ZNF106: variants seen among roughly 807,000 people sequenced by gnomAD.
The protein encoded by ZNF106 is SH3-domain binding protein 3.
In ZNF106, 67 loss-of-function variants were observed where a neutral mutation model predicts 195.1. The observed-to-expected ratio is 0.34, with a 90% CI of 0.28 to 0.42. ZNF106 has a LOEUF of 0.42. ZNF106 is among the 10% of genes least tolerant of loss of function. The pLI, the probability that ZNF106 is intolerant of heterozygous loss-of-function variation, is 1.00. For missense variants in ZNF106, 2,118 were observed against 2,304.5 expected (o/e 0.92, Z 1.66); for synonymous variants, 784 against 818.6 (o/e 0.96, Z 0.72).
At chr15:42,467,049 C>G (rs543558894) in intron 2 of ZNF106, among the ~76,000 whole-genome samples, 1 of 152,096 alleles carries the variant, frequency 6.6e-6, no homozygotes, top group South Asian at 2.1e-4. Context: ...AGGAGAATCG[C>G]TTGAACCCGG....
Position 42,489,977 on chromosome 15 carries a change from T to C in ZNF106, c.-33+1003A>G, listed in dbSNP as rs2057108654. ...TCTCTTGAAACTGGAAGGCGGAGGT[T>C]GCAGTGAGCCAAGATCCCGCCACTG... On this transcript the variant is annotated intron_variant, in intron 1 of 21. Transcript: ENST00000564754. Among the ~76,000 whole-genome samples, 3 of 152,148 alleles carry C rather than the reference T, an allele frequency of 2.0e-5. No individual in the cohort carries two copies. The South Asian group carries it at 6.2e-4, about 32-fold the overall frequency.
chr15:42,433,065 A>G (rs1334954935), intron 14 of ZNF106, among the ~76,000 whole-genome samples: 1 of 151,570 alleles, frequency 6.6e-6, no homozygotes, highest in African/African-American at 2.4e-5. Flanking sequence ...TTATTCCTCT[A>G]TTTCTCCTTC....
chr15:42,444,873 T>C lies in ZNF106; in HGVS notation c.3314A>G (p.Gln1105Arg). The C allele has an allele frequency of 1.2e-6, 2 of 1,614,214 alleles. No homozygotes were observed. The highest frequency in any genetic ancestry group is 1.7e-6 in the Non-Finnish European group (2 of 1,180,036). The change falls in exon 8 of 22, where the codon CAG becomes CGG. Residue 1105 changes from glutamine to arginine, a missense_variant. Physicochemically the swap from Gln to Arg is conservative, Grantham distance 43 (BLOSUM62 1). Transcript: ENST00000564754. ...NNLLQARAALQTAYVEVQRLL... is the reference protein window; with the variant it reads ...NNLLQARAALRTAYVEVQRLL... The stretch of plus-strand genomic sequence containing the variant: ...CCTCTGAACTTCCACATAAGCTGTC[T>C]GAAGGGCTGCACGGGCTTGCAGAAG...
chr15:42,470,561 G>T (rs1388864233), intron 2 of ZNF106, among the ~76,000 whole-genome samples: 1 of 151,978 alleles, frequency 6.6e-6, no homozygotes, highest in Non-Finnish European at 1.5e-5. Context: ...TTTTCCTAGG[G>T]CAGGAGTAGA....
intron 10 of ZNF106, among the ~76,000 whole-genome samples, chr15:42,440,986 A>G (rs2055483260): frequency 2.1e-5 from 1 of 47,118 alleles, no homozygotes; most frequent in African/African-American, 1.7e-4. Flanking sequence ...CTCTGTCTAA[A>G]AAAAAAAAAA....
rs2056111776 is a variant in ZNF106, at chr15:42,453,228, G to A, written c.318-1274C>T. Among the ~76,000 whole-genome samples, 4 of 152,268 alleles carry A rather than the reference G, an allele frequency of 2.6e-5. No homozygotes were observed. The South Asian group carries it at 8.3e-4, about 32-fold the overall frequency. On this transcript the variant is annotated intron_variant, in intron 4 of 21. Transcript: ENST00000564754. The stretch of plus-strand genomic sequence containing the variant: ...TGTGAAGGCCTTAGAACCTAGCTGA[G>A]ACAGTAAGGTCACAAACAGGAGGAA...
At chr15:42,478,913 G>T (rs2056842300) in intron 1 of ZNF106, among the ~76,000 whole-genome samples, 1 of 152,022 alleles carries the variant, frequency 6.6e-6, no homozygotes, top group Non-Finnish European at 1.5e-5. Flanking sequence ...GCTCCCCTTG[G>T]CCATGACAGT....
rs377461068 is a variant in ZNF106 at position 42,450,351 on chromosome 15, T to C, written c.1921A>G (p.Ser641Gly). The change falls in exon 5 of 22, where the codon AGC (serine) becomes GGC (glycine). Residue 641 changes from serine (S) to glycine (G), a missense_variant. By Grantham distance (56) the Ser-to-Gly change is moderately conservative. Coordinates refer to ENST00000564754, the MANE Select transcript of ZNF106 (RefSeq NM_001366845.3). ...TCTTTCTCATCAGCAGTTCGAGTGC[T>C]GCCAGATAACAATTCTGTAGTTGCA... ...GSATTELLSG[S>G]TRTADEKEED... 1.5e-5 allele frequency: 24 copies of C among 1,614,100 alleles called. No individual in the cohort carries two copies. Among genetic ancestry groups the C allele is most frequent in the Non-Finnish European group, 2.0e-5 (24 of 1,180,044 alleles).
rs752765008 is a variant in ZNF106 at position 42,448,338 on chromosome 15, T to C, written c.2869A>G (p.Arg957Gly). Residue 957 changes from arginine (R) to glycine (G), a missense_variant, in exon 6 of 22, where the codon AGG becomes GGG. Transcript: ENST00000564754. ...GAGGATAATTGTGCACTATGTCGCCTTTGGGTAGCAACATTTTCAGCCCTT... is the reference window on the plus strand; with the variant it reads ...GAGGATAATTGTGCACTATGTCGCCCTTGGGTAGCAACATTTTCAGCCCTT... ...GERAENVATQ[R>G]RHSAQLSSDH... 1.2e-6 allele frequency: 2 copies of C among 1,614,184 alleles called. No homozygotes were observed. The highest frequency in any genetic ancestry group is 2.2e-5 in the South Asian group (2 of 91,082).
chr15:42,475,192 C>T lies in ZNF106; in HGVS notation c.-32-2871G>A, dbSNP rs555487384. ...TTCAGGCCAGGCATGGTGGCTCATG[C>T]CTATAATCCCAGCACTTTGGGAGGC... On this transcript the variant is annotated intron_variant, in intron 1 of 21. Transcript: ENST00000564754. Among the ~76,000 whole-genome samples the T allele has an allele frequency of 5.9e-5, 9 of 152,232 alleles. No individual in the cohort carries two copies. In the East Asian group the frequency reaches 1.7e-3, roughly 29 times the overall value.
chr15:42,481,881 A>G (rs1329956554), intron 1 of ZNF106, among the ~76,000 whole-genome samples: 3 of 152,056 alleles, frequency 2.0e-5, no homozygotes, highest in African/African-American at 7.2e-5. Context: ...TAAGGCACCC[A>G]CCAAATTTGG....
chr15:42,435,736 G>A (rs1021934461), intron 13 of ZNF106, among the ~76,000 whole-genome samples: 2 of 152,098 alleles, frequency 1.3e-5, no homozygotes, highest in Non-Finnish European at 2.9e-5. Context: ...TATGTTAGTT[G>A]AGCCATACCA....
intron 4 of ZNF106, among the ~76,000 whole-genome samples, chr15:42,455,268 T>C (rs1213160320): frequency 6.6e-6 from 1 of 152,230 alleles, no homozygotes; most frequent in African/African-American, 2.4e-5. Flanking sequence ...TTTTTGCATA[T>C]ACATAATGGG....
chr15:42,454,918 A>G (rs1255793981), intron 4 of ZNF106, among the ~76,000 whole-genome samples: 1 of 151,978 alleles, frequency 6.6e-6, no homozygotes, highest in Admixed American at 6.6e-5. Flanking sequence ...AAAGAAGTAG[A>G]TGATTTTATA....
chr15:42,468,152 G>A (rs1266627923), intron 2 of ZNF106, among the ~76,000 whole-genome samples: 1 of 136,678 alleles, frequency 7.3e-6, no homozygotes, highest in Non-Finnish European at 1.5e-5. Context: ...CTCGGCTCAC[G>A]ACAACCTCTG....
At chr15:42,472,594 C>T (rs185918829) in intron 1 of ZNF106, among the ~76,000 whole-genome samples, 334 of 152,274 alleles carry the variant, frequency 2.2e-3, no homozygotes, top group Admixed American at 4.4e-3. Flanking sequence ...CATCTCTCAT[C>T]CCACACGGCA....
chr15:42,435,438 A>T lies in ZNF106; in HGVS notation c.4827T>A (p.Asn1609Lys). Residue 1609 changes from asparagine to lysine, a missense_variant, in exon 14 of 22, where the codon AAT becomes AAA. By Grantham distance (94) the Asn-to-Lys change is moderately conservative. Transcript: ENST00000564754. ...CACTGGACCCGGTGTAAAGGGCAGCATTCTTCCCGGAGGTCTGAGTAACCA... is the reference window on the plus strand; with the variant it reads ...CACTGGACCCGGTGTAAAGGGCAGCTTTCTTCCCGGAGGTCTGAGTAACCA... ...CLLVTQTSGK[N>K]AALYTGSSDH... 1 of 1,614,228 alleles carries T rather than the reference A, an allele frequency of 6.2e-7. No homozygotes were observed. The highest frequency in any genetic ancestry group is 1.1e-5 in the South Asian group (1 of 91,086).
chr15:42,417,108 T>C lies in ZNF106; in HGVS notation c.*196A>G. The C allele has an allele frequency of 1.7e-6, 1 of 577,362 alleles. No homozygotes were observed. The highest frequency in any genetic ancestry group is 3.1e-6 in the Non-Finnish European group (1 of 327,388). 35.8% of individuals were successfully genotyped at this position (577,362 alleles called of 1,614,324 possible). On this transcript the variant is annotated 3_prime_UTR_variant, in exon 22 of 22. Coordinates refer to ENST00000564754, the MANE Select transcript of ZNF106 (RefSeq NM_001366845.3). ...TCCTTAACATTTGTCTAAATCTATT[T>C]AAAACCTCCAGCAAGAACTTAAAAG... is the stretch of plus-strand genomic sequence containing the variant.
At chr15:42,437,775 C>T (rs1219755243) in intron 12 of ZNF106, among the ~76,000 whole-genome samples, 1 of 151,528 alleles carries the variant, frequency 6.6e-6, no homozygotes, top group East Asian at 1.9e-4. Context: ...GGTGTGGTAG[C>T]GTGAGCCTGT....
Sources: allele counts gnomAD v4.1 joint callset (sites outside exome capture counted in the v4.1 genomes callset), GRCh38; gene constraint gnomAD v4.1.1; transcripts MANE v1.5; gene names NCBI Gene and HGNC (gene_info 2026-07-23, HGNC 2026-07-21).